The following NFASC variants were observed in gnomAD, a reference collection of about 807,000 sequenced individuals.
NFASC encodes neurofascin.
A neutral mutation model predicts 147.5 loss-of-function variants in NFASC; 43 were observed. That is an observed-to-expected ratio of 0.29 (90% CI 0.23 to 0.38). The LOEUF (loss-of-function observed/expected upper bound fraction) is 0.38. Ranked by LOEUF, NFASC falls within the 10% of genes least tolerant of loss-of-function variation. The pLI is 1.00. For missense variants in NFASC, 1,320 were observed against 1,689.0 expected (o/e 0.78, Z 3.83); for synonymous variants, 622 against 665.5 (o/e 0.93, Z 1.01).
chr1:204,898,554 G>T (rs1238344054), intron 1 of NFASC, among the ~76,000 whole-genome samples: 1 of 152,174 alleles, frequency 6.6e-6, no homozygotes. Context: ...GATTGTGAGG[G>T]CAGAGCACTC....
Position 204,932,839 on chromosome 1 carries a change from T to G in NFASC, c.-90-11387T>G, listed in dbSNP as rs147868770. Among the ~76,000 whole-genome samples the G allele has an allele frequency of 2.8e-4, 43 of 152,316 alleles. No individual in the cohort carries two copies. In the East Asian group the frequency reaches 7.1e-3, roughly 25 times the overall value. On this transcript the variant is annotated intron_variant, in intron 2 of 29. Transcript: ENST00000339876. Reference sequence around the variant, plus strand: ...TGCCCCAGAGAGGTAGATTTGTGGTTGAGTGGCACAGCAGGAGTGCAGGAT... The same window carrying G: ...TGCCCCAGAGAGGTAGATTTGTGGTGGAGTGGCACAGCAGGAGTGCAGGAT...
At chr1:204,834,675 T>G (rs1175336702) in intron 1 of NFASC, among the ~76,000 whole-genome samples, 2 of 152,210 alleles carry the variant, frequency 1.3e-5, no homozygotes, top group Non-Finnish European at 2.9e-5. Context: ...CTAATGAATT[T>G]AATTAGAGAC....
At chr1:204,893,516 A>C (rs7550921) in intron 1 of NFASC, among the ~76,000 whole-genome samples, 18,961 of 152,196 alleles carry the variant, frequency 0.12, 1,979 homozygotes, top group East Asian at 0.51. Flanking sequence ...CAGAATACCA[A>C]GAAGTGATCT....
At chr1:205,000,458 C>T (rs2802809) in intron 25 of NFASC, 57,059 of 152,174 alleles carry the variant, frequency 0.37, 10,819 homozygotes, top group East Asian at 0.56. Context: ...TCAAGACTCG[C>T]GGCTCTTAAA....
In NFASC at chr1:204,954,098, A is replaced by G. The variant is rs1274907873; in HGVS notation, c.216-90A>G. On this transcript the variant is annotated intron_variant, in intron 5 of 29. Transcript: ENST00000339876. This position sits in a 1 kb window ranked among gnomAD's most constrained non-coding sequence, Gnocchi z 5.7. ...TGGGACTGAGAGAGGGAATTTTGGT[A>G]CTGAGCCAGGGACTAGGGATCTGAG... 12 of 1,188,996 alleles carry G rather than the reference A, an allele frequency of 1.0e-5. No individual in the cohort carries two copies. The highest frequency in any genetic ancestry group is 1.5e-5 in the Non-Finnish European group (12 of 811,060). The allele number at this position is 1,188,996 out of a possible 1,614,324, so 73.7% of individuals were successfully genotyped here.
intron 1 of NFASC, among the ~76,000 whole-genome samples, chr1:204,837,443 A>T (rs1674094261): frequency 6.6e-6 from 1 of 152,210 alleles, no homozygotes; most frequent in South Asian, 2.1e-4. Flanking sequence ...GACTGTAGCA[A>T]ACCTTGGCTT....
intron 8 of NFASC, among the ~76,000 whole-genome samples, chr1:204,965,736 T>C (rs1163753304): frequency 1.3e-5 from 2 of 152,226 alleles, no homozygotes; most frequent in African/African-American, 4.8e-5. Context: ...GCATTTTCTT[T>C]GGTTTGAATA....
intron 1 of NFASC, among the ~76,000 whole-genome samples, chr1:204,899,652 G>A (rs1347992434): frequency 6.6e-6 from 1 of 152,186 alleles, no homozygotes; most frequent in Non-Finnish European, 1.5e-5. Context: ...GTTAGGGAAA[G>A]AAAGAAAGAA....
intron 1 of NFASC, among the ~76,000 whole-genome samples, chr1:204,854,064 C>T (rs1002347489): frequency 6.6e-6 from 1 of 152,162 alleles, no homozygotes; most frequent in African/African-American, 2.4e-5. Flanking sequence ...TCACTGACTG[C>T]CACTAGGCTG....
chr1:204,944,508 TGAG>T (rs1347830054), intron 3 of NFASC, 102 bp downstream of exon 3: 1 of 897,896 alleles, frequency 1.1e-6, no homozygotes, highest in African/African-American at 1.7e-5. Context: ...CCAAGGAGAT[TGAG>T]GAGAGGGGAC....
At chr1:204,984,382 C>CATATATATATATATATATATATATATAT (rs55787898) in intron 21 of NFASC, 1 of 134,110 alleles carries the variant, frequency 7.5e-6, no homozygotes, top group African/African-American at 3.0e-5. Context: ...TATATATACG[C>CATATATATATATATATATATATATATAT]ATATATATAT....
intron 27 of NFASC, 177 bp from the exon 28 acceptor site, chr1:205,009,380 A>C: frequency 1.3e-6 from 1 of 770,864 alleles, no homozygotes; most frequent in Non-Finnish European, 2.3e-6. Flanking sequence ...TTGGCTCTTT[A>C]ATTATTTTCT....
intron 10 of NFASC, among the ~76,000 whole-genome samples, chr1:204,970,048 C>T (rs900249116): frequency 1.4e-5 from 2 of 140,276 alleles, no homozygotes; most frequent in African/African-American, 2.6e-5. Context: ...TGCGCCCCAG[C>T]CTGGCGACAG....
intron 1 of NFASC, among the ~76,000 whole-genome samples, chr1:204,853,861 G>A (rs1452799168): frequency 6.6e-6 from 1 of 152,168 alleles, no homozygotes; most frequent in Admixed American, 6.5e-5. Flanking sequence ...ACACCCCTGG[G>A]TCTCTCCTGG....
intron 1 of NFASC, among the ~76,000 whole-genome samples, chr1:204,886,101 A>G (rs190352342): frequency 2.6e-5 from 4 of 152,362 alleles, no homozygotes; most frequent in African/African-American, 7.2e-5. Flanking sequence ...AATCAGGACA[A>G]TAAGTCTAGG....
chr1:204,926,254 CTTAG>C (rs1275204455), intron 2 of NFASC, among the ~76,000 whole-genome samples: 5 of 151,024 alleles, frequency 3.3e-5, no homozygotes, highest in African/African-American at 9.7e-5. Flanking sequence ...TATTAATAAA[CTTAG>C]TTAATTTAAT....
At chr1:204,928,143 A>G (rs2091926812) in intron 2 of NFASC, among the ~76,000 whole-genome samples, 1 of 152,196 alleles carries the variant, frequency 6.6e-6, no homozygotes, top group Non-Finnish European at 1.5e-5. Flanking sequence ...AGTGACTAGT[A>G]GGGCCTGAAT....
chr1:204,853,980 G>A (rs1445602554), intron 1 of NFASC, among the ~76,000 whole-genome samples: 2 of 152,132 alleles, frequency 1.3e-5, no homozygotes, highest in Non-Finnish European at 2.9e-5. Context: ...TCCTTGGGAA[G>A]GGCTCCAAGA....
rs16854885 is a variant in NFASC, at chr1:204,988,476, G to A, written c.2594-157G>A. On this transcript the variant is annotated intron_variant, in intron 22 of 29. Transcript: ENST00000339876. ...AGCCCGGAGGGAGTTCTTGCCGAGT[G>A]TTCTGCCTTTGAACCAAGCCTTTAA... Among the ~76,000 whole-genome samples, 835 of 152,354 alleles carry A rather than the reference G, an allele frequency of 5.5e-3. 12 individuals are homozygous for A. Among genetic ancestry groups the A allele is most frequent in the South Asian group, 0.011 (54 of 4,832 alleles).
Sources: allele counts gnomAD v4.1 joint callset (sites outside exome capture counted in the v4.1 genomes callset), GRCh38; gene constraint gnomAD v4.1.1; non-coding constraint Gnocchi (gnomAD v3.1); transcripts MANE v1.5; gene names NCBI Gene and HGNC (gene_info 2026-07-23, HGNC 2026-07-21).